Variants in TMEM30A observed in about 807,000 individuals in gnomAD.
TMEM30A encodes cell cycle control protein 50A.
TMEM30A carries 24 observed loss-of-function variants against 38.2 expected under a neutral mutation model. The ratio of observed to expected loss-of-function variants is 0.63; its 90% confidence interval spans 0.46 to 0.88. The LOEUF (loss-of-function observed/expected upper bound fraction) is 0.88. TMEM30A is among the 40% of genes least tolerant of loss of function. The pLI is 0.00. For synonymous variants in TMEM30A, 145 were observed against 161.6 expected, an observed-to-expected ratio of 0.90 and a Z score of 0.78; for missense variants, 370 against 458.6, an observed-to-expected ratio of 0.81 and a Z score of 1.77.
chr6:75,262,749 AAAG>A (rs1456329012), intron 3 of TMEM30A, among the ~76,000 whole-genome samples: 2 of 152,240 alleles, frequency 1.3e-5, no homozygotes, highest in Non-Finnish European at 2.9e-5. Context: ...AGAAAAACGA[AAAG>A]AATACAATCC....
intron 1 of TMEM30A, chr6:75,284,115 G>A (rs1772413854): frequency 9.4e-6 from 4 of 427,392 alleles, no homozygotes; most frequent in Non-Finnish European, 1.7e-5. Flanking sequence ...CTGAAGAAGC[G>A]TTCTCCACCT....
At chr6:75,272,047 T>C (rs1772182165) in intron 1 of TMEM30A, among the ~76,000 whole-genome samples, 1 of 152,158 alleles carries the variant, frequency 6.6e-6, no homozygotes, top group African/African-American at 2.4e-5. Flanking sequence ...ACACATTTTG[T>C]ATTTATGGAG....
At chr6:75,268,627 T>C (rs1772107714) in intron 1 of TMEM30A, among the ~76,000 whole-genome samples, 1 of 152,212 alleles carries the variant, frequency 6.6e-6, no homozygotes, top group Admixed American at 6.5e-5. Flanking sequence ...CCTTGCTATA[T>C]GTGTCTTCTA....
Position 75,258,829 on chromosome 6 carries a change from A to C in TMEM30A, c.843T>G (p.Asp281Glu), listed in dbSNP as rs1562385358. The C allele has an allele frequency of 6.2e-7, 1 of 1,614,010 alleles. No individual in the cohort carries two copies. Among genetic ancestry groups the C allele is most frequent in the Non-Finnish European group, 8.5e-7 (1 of 1,179,902 alleles). ...KLYRLIERKS[D>E]LHPTLPAGRY... ...GGCCAGCTGGTAATGTTGGATGTAA[A>C]TCACTTTTCCTTTCTATAAGACGAT... The change falls in exon 6 of 7, where the codon GAT (aspartate) becomes GAG (glutamate). Residue 281 changes from aspartate to glutamate, a missense_variant. Physicochemically the swap from Asp to Glu is conservative, Grantham distance 45. Coordinates refer to ENST00000230461, the MANE Select transcript of TMEM30A (RefSeq NM_018247.4).
At chr6:75,267,528 G>A in intron 2 of TMEM30A, 113 bp downstream of exon 2, 1 of 666,382 alleles carries the variant, frequency 1.5e-6, no homozygotes, top group Non-Finnish European at 2.3e-6. Flanking sequence ...ATAAACTCCA[G>A]TAAATTATAC....
intron 6 of TMEM30A, chr6:75,256,728 T>A: frequency 2.1e-6 from 1 of 474,954 alleles, no homozygotes. Context: ...GTATCAAGAG[T>A]GTAGTTATGA....
At chr6:75,257,850 T>G (rs966999704) in intron 6 of TMEM30A, among the ~76,000 whole-genome samples, 4 of 152,218 alleles carry the variant, frequency 2.6e-5, no homozygotes, top group African/African-American at 9.6e-5. Flanking sequence ...GAAATAAAAA[T>G]GCAAAGATCA....
intron 3 of TMEM30A, among the ~76,000 whole-genome samples, chr6:75,262,502 G>C (rs1372301514): frequency 3.3e-5 from 5 of 152,072 alleles, no homozygotes; most frequent in African/African-American, 9.7e-5. Context: ...AATTAGCCGG[G>C]CATGGTGGTG....
At position 75,260,861 on chromosome 6, in the gene TMEM30A, A is replaced by T; in HGVS notation, c.504T>A (p.Ile168=). The T allele has an allele frequency of 6.2e-7, 1 of 1,602,442 alleles. No individual in the cohort carries two copies. Among genetic ancestry groups the T allele is most frequent in the Non-Finnish European group, 8.5e-7 (1 of 1,177,198 alleles). ...EPYRRNEDKP[I]APCGAIANSM... is the part of the protein sequence containing the mutation. ...TGTTGGCAATAGCTCCACAAGGAGC[A>T]ATTGGTTTGTCTTCATTTCTTCGAT... is the stretch of plus-strand genomic sequence containing the variant. The change falls in exon 4 of 7, where the codon ATT becomes ATA. Residue 168 remains isoleucine (I), a synonymous_variant. Coordinates refer to ENST00000230461, the MANE Select transcript of TMEM30A (RefSeq NM_018247.4).
At chr6:75,269,350 C>T (rs1243851615) in intron 1 of TMEM30A, among the ~76,000 whole-genome samples, 2 of 152,188 alleles carry the variant, frequency 1.3e-5, no homozygotes, top group Non-Finnish European at 2.9e-5. Context: ...TTTTACTGTC[C>T]TCATAGTTTT....
At chr6:75,263,165 G>A (rs1181928642) in intron 3 of TMEM30A, among the ~76,000 whole-genome samples, 3 of 152,206 alleles carry the variant, frequency 2.0e-5, no homozygotes, top group Non-Finnish European at 4.4e-5. Flanking sequence ...GCCATGTAAA[G>A]AGAAGACAGA....
At chr6:75,264,602 C>G (rs1772032693) in intron 3 of TMEM30A, among the ~76,000 whole-genome samples, 1 of 151,570 alleles carries the variant, frequency 6.6e-6, no homozygotes, top group Non-Finnish European at 1.5e-5. Flanking sequence ...CGCCACTGCA[C>G]TCCAGTCTGG....
chr6:75,275,111 G>A (rs963518354), intron 1 of TMEM30A, among the ~76,000 whole-genome samples: 2 of 151,946 alleles, frequency 1.3e-5, no homozygotes, highest in Non-Finnish European at 2.9e-5. Flanking sequence ...TGATTCCAGG[G>A]TACCAGTTTC....
intron 6 of TMEM30A, 140 bp from the exon 7 acceptor site, chr6:75,256,435 CA>C: frequency 6.3e-4 from 2 of 3,166 alleles, no homozygotes; most frequent in South Asian, 2.1e-3. Flanking sequence ...CGTTCTAAAT[CA>C]CACACACACA....
intron 2 of TMEM30A, among the ~76,000 whole-genome samples, chr6:75,266,412 T>C (rs1302493328): frequency 6.6e-6 from 1 of 152,196 alleles, no homozygotes; most frequent in Non-Finnish European, 1.5e-5. Flanking sequence ...AATATTCTTT[T>C]TTAAAAGGAA....
chr6:75,274,157 G>A (rs1218500770), intron 1 of TMEM30A, among the ~76,000 whole-genome samples: 2 of 152,168 alleles, frequency 1.3e-5, no homozygotes, highest in African/African-American at 4.8e-5. Flanking sequence ...ATGTTAATAG[G>A]AACTGCATGT....
At position 75,284,583 on chromosome 6, in the gene TMEM30A, G is replaced by C; in HGVS notation, c.56C>G (p.Pro19Arg). The change falls in exon 1 of 7, where the codon CCG becomes CGG. Residue 19 changes from proline (P) to arginine (R), a missense_variant. Physicochemically the swap from Pro to Arg is moderately radical, Grantham distance 103. Coordinates refer to ENST00000230461, the MANE Select transcript of TMEM30A (RefSeq NM_018247.4). Reference sequence around the variant, plus strand: ...TCTCCGAGTCTTCGCGGTGCCCCCCGGAGCACACGGGGGCCCACCGTCCAC... The same window carrying C: ...TCTCCGAGTCTTCGCGGTGCCCCCCCGAGCACACGGGGGCCCACCGTCCAC... The part of the protein sequence containing the change: ...DEVDGGPPCA[P>R]GGTAKTRRPD... 1.2e-6 allele frequency: 2 copies of C among 1,613,694 alleles called. No individual in the cohort carries two copies. Among genetic ancestry groups the C allele is most frequent in the South Asian group, 2.2e-5 (2 of 91,062 alleles).
rs1771859495 is a variant in TMEM30A, at chr6:75,255,980, T to C, written c.*122A>G. 3 of 670,210 alleles carry C rather than the reference T, an allele frequency of 4.5e-6. No homozygotes were observed. Among genetic ancestry groups the C allele is most frequent in the South Asian group, 5.5e-5 (2 of 36,598 alleles). 41.5% of individuals were successfully genotyped at this position (670,210 alleles called of 1,614,324 possible). ...GAAGCAAACAACAAAGACTGCTTTTTTTTAGAAAAGTTATGTGCCAACTTC... is the reference window on the plus strand; with the variant it reads ...GAAGCAAACAACAAAGACTGCTTTTCTTTAGAAAAGTTATGTGCCAACTTC... On this transcript the variant is annotated 3_prime_UTR_variant, in exon 7 of 7. Coordinates refer to ENST00000230461, the MANE Select transcript of TMEM30A (RefSeq NM_018247.4).
chr6:75,271,237 G>A (rs149812654), intron 1 of TMEM30A, among the ~76,000 whole-genome samples: 1 of 152,124 alleles, frequency 6.6e-6, no homozygotes, highest in African/African-American at 2.4e-5. Context: ...AAATCTGCAA[G>A]AGAAATCATA....
Sources: gnomAD v4.1 joint callset for allele counts (sites outside exome capture counted in the v4.1 genomes callset) on GRCh38, gnomAD v4.1.1 for gene constraint, MANE v1.5 for transcripts, NCBI Gene and HGNC (gene_info 2026-07-23, HGNC 2026-07-21) for gene names.